The following SLC4A10 variants were observed in gnomAD, a reference collection of about 807,000 sequenced individuals.
The protein encoded by SLC4A10 is solute carrier family 4 member 10.
SLC4A10 carries 42 observed loss-of-function variants against 137.7 expected under a neutral mutation model. That is an observed-to-expected ratio of 0.30 (90% CI 0.24 to 0.39). SLC4A10 has a LOEUF of 0.39. SLC4A10 is among the 10% of genes least tolerant of loss of function. The pLI is 1.00. For synonymous variants in SLC4A10, 474 were observed against 464.1 expected, an observed-to-expected ratio of 1.02 and a Z score of -0.27; for missense variants, 925 against 1,355.0, an observed-to-expected ratio of 0.68 and a Z score of 4.98.
Position 161,952,223 on chromosome 2 carries a change from G to A in SLC4A10, c.2541+1375G>A, listed in dbSNP as rs563810380. Among the ~76,000 whole-genome samples the A allele has an allele frequency of 2.0e-5, 3 of 152,238 alleles. No homozygotes were observed. The South Asian group carries it at 6.2e-4, about 32-fold the overall frequency. On this transcript the variant is annotated intron_variant, in intron 19 of 26. Coordinates refer to ENST00000446997, the MANE Select transcript of SLC4A10 (RefSeq NM_001178015.2). ...AACAAAGTGTGGAAGTGAAATGTGT[G>A]CTGAGATTGATATTACCTTCCTGGC...
rs576791369 is a variant in SLC4A10, at chr2:161,862,171, A to C, written c.578-703A>C. Among the ~76,000 whole-genome samples, 7 of 152,308 alleles carry C rather than the reference A, an allele frequency of 4.6e-5. No homozygotes were observed. The South Asian group carries it at 1.4e-3, about 32-fold the overall frequency. On this transcript the variant is annotated intron_variant, in intron 5 of 26. Transcript: ENST00000446997. ...AATCTGCTTAATTATAGACTTCTGA[A>C]ATCTCACCTTCCAGTCTTTGTTTTG...
chr2:161,829,003 A>T (rs1379177740), intron 3 of SLC4A10, among the ~76,000 whole-genome samples: 1 of 151,364 alleles, frequency 6.6e-6, no homozygotes, highest in Non-Finnish European at 1.5e-5. Flanking sequence ...CCTAAACCAA[A>T]CCATTAATTT....
intron 1 of SLC4A10, among the ~76,000 whole-genome samples, chr2:161,740,608 G>C (rs923245533): frequency 1.3e-5 from 2 of 152,112 alleles, no homozygotes; most frequent in Admixed American, 6.6e-5. Context: ...GTGCTCATAG[G>C]CTTTTGCTAT....
At chr2:161,888,203 G>A (rs1559466543) in intron 10 of SLC4A10, among the ~76,000 whole-genome samples, 1 of 151,762 alleles carries the variant, frequency 6.6e-6, no homozygotes, top group Non-Finnish European at 1.5e-5. Flanking sequence ...TTTCCATGTA[G>A]TATAGTTTGA....
chr2:161,927,263 T>C (rs1398454760), intron 15 of SLC4A10, among the ~76,000 whole-genome samples: 1 of 152,322 alleles, frequency 6.6e-6, no homozygotes, highest in African/African-American at 2.4e-5. Context: ...TGTTTCTTTT[T>C]ATTCTTTTTT....
At chr2:161,882,695 A>AT (rs1360846136) in intron 10 of SLC4A10, among the ~76,000 whole-genome samples, 2 of 152,164 alleles carry the variant, frequency 1.3e-5, no homozygotes. Flanking sequence ...AGAATATATT[A>AT]TTAATATTCC....
chr2:161,865,364 T>C (rs1333848411), intron 6 of SLC4A10, among the ~76,000 whole-genome samples: 3 of 152,074 alleles, frequency 2.0e-5, no homozygotes, highest in Admixed American at 1.3e-4. Context: ...ATTTAGGAAA[T>C]GGTTTAGTTT....
At chr2:161,874,609 C>T (rs1487354799) in intron 8 of SLC4A10, among the ~76,000 whole-genome samples, 4 of 152,154 alleles carry the variant, frequency 2.6e-5, no homozygotes, top group Non-Finnish European at 5.9e-5. Context: ...ATCACTGGCC[C>T]GTTTCATCTT....
intron 24 of SLC4A10, among the ~76,000 whole-genome samples, chr2:161,974,947 T>C (rs1699149267): frequency 6.6e-6 from 1 of 152,204 alleles, no homozygotes; most frequent in Admixed American, 6.5e-5. Context: ...AACGGTTATC[T>C]TGTACAATTC....
intron 2 of SLC4A10, among the ~76,000 whole-genome samples, chr2:161,786,038 T>G (rs1559245909): frequency 6.6e-6 from 1 of 151,946 alleles, no homozygotes; most frequent in Non-Finnish European, 1.5e-5. Flanking sequence ...TCCACTGTTA[T>G]TGTATATCTG....
At chr2:161,782,367 G>A (rs562417181) in intron 2 of SLC4A10, among the ~76,000 whole-genome samples, 4 of 152,074 alleles carry the variant, frequency 2.6e-5, no homozygotes, top group Admixed American at 6.6e-5. Context: ...GGACTTATTG[G>A]TGGGGATCTT....
chr2:161,761,018 A>G (rs541228934), intron 1 of SLC4A10, among the ~76,000 whole-genome samples: 11 of 152,254 alleles, frequency 7.2e-5, no homozygotes, highest in African/African-American at 2.4e-4. Flanking sequence ...AAAAACAATA[A>G]TAACAAACAT....
intron 23 of SLC4A10, among the ~76,000 whole-genome samples, chr2:161,967,987 G>C (rs142051021): frequency 6.1e-5 from 9 of 147,522 alleles, no homozygotes; most frequent in Non-Finnish European, 1.0e-4. Context: ...AAAAAAAAAC[G>C]AACACAGCCC....
At chr2:161,800,715 G>A (rs1258745535) in intron 2 of SLC4A10, among the ~76,000 whole-genome samples, 1 of 152,068 alleles carries the variant, frequency 6.6e-6, no homozygotes, top group East Asian at 1.9e-4. Flanking sequence ...GAATTACCTG[G>A]ACCTTAGTGG....
intron 2 of SLC4A10, among the ~76,000 whole-genome samples, chr2:161,776,300 C>A (rs2052324225): frequency 6.6e-6 from 1 of 151,838 alleles, no homozygotes. Flanking sequence ...GTTATGCAAC[C>A]AATATCCAGA....
intron 1 of SLC4A10, among the ~76,000 whole-genome samples, chr2:161,657,723 T>G (rs1231688096): frequency 2.0e-5 from 3 of 152,046 alleles, no homozygotes; most frequent in Non-Finnish European, 2.9e-5. Context: ...GAAAATAAAA[T>G]CTTTCTATGA....
chr2:161,930,605 T>G (rs1690174244), intron 15 of SLC4A10, among the ~76,000 whole-genome samples: 1 of 151,392 alleles, frequency 6.6e-6, no homozygotes, highest in Admixed American at 6.6e-5. Context: ...AGGGGTTGGG[T>G]GATTTGCTAA....
At chr2:161,648,295 A>G (rs1389835487) in intron 1 of SLC4A10, among the ~76,000 whole-genome samples, 1 of 152,046 alleles carries the variant, frequency 6.6e-6, no homozygotes, top group Admixed American at 6.5e-5. Flanking sequence ...AGATAATCTT[A>G]TGTGATTACT....
At chr2:161,766,987 C>T (rs2050878129) in intron 1 of SLC4A10, among the ~76,000 whole-genome samples, 1 of 150,174 alleles carries the variant, frequency 6.7e-6, no homozygotes, top group Non-Finnish European at 1.5e-5. Context: ...CACAGGAGAG[C>T]TGACCTCCTT....
Sources: gnomAD v4.1 joint callset for allele counts (sites outside exome capture counted in the v4.1 genomes callset) on GRCh38, gnomAD v4.1.1 for gene constraint, MANE v1.5 for transcripts, NCBI Gene and HGNC (gene_info 2026-07-23, HGNC 2026-07-21) for gene names.